ZCWPW2: variants seen among roughly 807,000 people sequenced by gnomAD.
ZCWPW2 encodes the protein zinc finger CW-type and PWWP domain containing 2.
ZCWPW2 carries 45 observed loss-of-function variants against 46.6 expected under a neutral mutation model. That is an observed-to-expected ratio of 0.96 (90% CI 0.76 to 1.24). ZCWPW2 has a LOEUF of 1.24. ZCWPW2 is among the 50% of genes most tolerant of loss of function. The pLI is 0.00. For missense variants in ZCWPW2, 429 were observed against 403.9 expected, an observed-to-expected ratio of 1.06 and a Z score of -0.53; for synonymous variants, 152 against 137.1, an observed-to-expected ratio of 1.11 and a Z score of -0.76.
intron 2 of ZCWPW2, chr3:28,398,121 G>T (rs1695778048): frequency 6.6e-6 from 1 of 152,224 alleles, no homozygotes; most frequent in Non-Finnish European, 1.5e-5. Flanking sequence ...AGTTCTGGAG[G>T]CTAAAAAGTC....
chr3:28,472,884 A>C (rs778425940), intron 4 of ZCWPW2, among the ~76,000 whole-genome samples: 5 of 152,082 alleles, frequency 3.3e-5, no homozygotes, highest in Non-Finnish European at 5.9e-5. Context: ...TAGGAAAAAA[A>C]AAACAAACTA....
chr3:28,439,833 G>A (rs1379490620), intron 4 of ZCWPW2, among the ~76,000 whole-genome samples: 1 of 152,194 alleles, frequency 6.6e-6, no homozygotes, highest in Non-Finnish European at 1.5e-5. Context: ...GAACGAACAT[G>A]TTTTTAACAA....
chr3:28,524,722 T>C lies in ZCWPW2; in HGVS notation c.*34T>C. 1 of 1,409,042 alleles carries C rather than the reference T, an allele frequency of 7.1e-7. No homozygotes were observed. The highest frequency in any genetic ancestry group is 1.5e-5 in the African/African-American group (1 of 66,908). The allele number at this position is 1,409,042 out of a possible 1,614,324, so 87.3% of individuals were successfully genotyped here. On this transcript the variant is annotated 3_prime_UTR_variant, in exon 10 of 10. Transcript: ENST00000383768. ...ACATTTTTCAAATTAATTATAAAAATATTGGCATCTTTATATTTATCCAAA... is the reference window on the plus strand; with the variant it reads ...ACATTTTTCAAATTAATTATAAAAACATTGGCATCTTTATATTTATCCAAA...
chr3:28,502,061 C>G (rs191381947), intron 6 of ZCWPW2, among the ~76,000 whole-genome samples: 116 of 152,238 alleles, frequency 7.6e-4, no homozygotes, highest in Non-Finnish European at 1.4e-3. Flanking sequence ...TTGCCCTATG[C>G]TCAAAATCTG....
chr3:28,478,931 G>A lies in ZCWPW2; in HGVS notation c.610G>A (p.Asp204Asn). 6.5e-7 allele frequency: 1 copy of A among 1,537,162 alleles called. No individual in the cohort carries two copies. The highest frequency in any genetic ancestry group is 1.2e-5 in the South Asian group (1 of 80,060). Residue 204 changes from aspartate to asparagine, a missense_variant and splice_region_variant, in exon 5 of 10, where the codon GAT becomes AAT. By Grantham distance (23) the Asp-to-Asn change is conservative. Coordinates refer to ENST00000383768, the MANE Select transcript of ZCWPW2 (RefSeq NM_001040432.4). Reference sequence around the variant, plus strand: ...AATGTGCTGCCTATCAAAACTACAAGGTGTATAAATATTTTTTCTTTATTA... The same window carrying A: ...AATGTGCTGCCTATCAAAACTACAAAGTGTATAAATATTTTTTCTTTATTA... Reference protein sequence around the residue: ...LEMCCLSKLQDKSETHDKVAA... With the variant: ...LEMCCLSKLQNKSETHDKVAA...
chr3:28,473,780 T>TA (rs1699125090), intron 4 of ZCWPW2, among the ~76,000 whole-genome samples: 1 of 152,154 alleles, frequency 6.6e-6, no homozygotes, highest in African/African-American at 2.4e-5. Context: ...CACAGAAAGA[T>TA]AAACTTTGCA....
chr3:28,382,557 T>C (rs1444415579), intron 1 of ZCWPW2, among the ~76,000 whole-genome samples: 1 of 152,194 alleles, frequency 6.6e-6, no homozygotes, highest in Admixed American at 6.5e-5. Context: ...CAGCTGATAA[T>C]AGTGGTTTTC....
At chr3:28,492,383 A>G (rs1024944491) in intron 6 of ZCWPW2, among the ~76,000 whole-genome samples, 9 of 152,126 alleles carry the variant, frequency 5.9e-5, no homozygotes, top group Admixed American at 2.0e-4. Flanking sequence ...GGACTGTCAG[A>G]AATTAGAACA....
chr3:28,367,239 G>C (rs1305888804), intron 1 of ZCWPW2, among the ~76,000 whole-genome samples: 7 of 151,886 alleles, frequency 4.6e-5, no homozygotes, highest in Admixed American at 4.6e-4. Context: ...GTGATGTTAG[G>C]GTGTTAATTT....
At position 28,407,752 on chromosome 3, in the gene ZCWPW2, T is replaced by A. The variant is rs143725684; in HGVS notation, c.-13-5304T>A. 2.9e-3 allele frequency among the ~76,000 whole-genome samples: 436 copies of A among 152,332 alleles called. 4 individuals are homozygous for A. Among genetic ancestry groups the A allele is most frequent in the African/African-American group, 9.8e-3 (406 of 41,584 alleles). On this transcript the variant is annotated intron_variant, in intron 2 of 9. Coordinates refer to ENST00000383768, the MANE Select transcript of ZCWPW2 (RefSeq NM_001040432.4). ...TTTCTAGTTCAATATAACTAAGTTA[T>A]GAAATAAAAAATTAAAAACAAAAGT...
chr3:28,407,971 G>A (rs915822279), intron 2 of ZCWPW2, among the ~76,000 whole-genome samples: 5 of 152,008 alleles, frequency 3.3e-5, no homozygotes, highest in African/African-American at 1.2e-4. Flanking sequence ...GCAAAGTGTT[G>A]GAGAAAATGT....
chr3:28,372,436 G>A (rs1705367031), intron 1 of ZCWPW2, among the ~76,000 whole-genome samples: 2 of 152,068 alleles, frequency 1.3e-5, no homozygotes. Flanking sequence ...TATTTCATGA[G>A]GGAATGAAAT....
At chr3:28,381,928 C>G (rs1695120404) in intron 1 of ZCWPW2, among the ~76,000 whole-genome samples, 1 of 152,028 alleles carries the variant, frequency 6.6e-6, no homozygotes, top group Non-Finnish European at 1.5e-5. Flanking sequence ...AATAGGAGGC[C>G]AAGGTGGGCG....
chr3:28,496,568 T>C (rs929159477), intron 6 of ZCWPW2, among the ~76,000 whole-genome samples: 3 of 152,020 alleles, frequency 2.0e-5, no homozygotes, highest in Non-Finnish European at 2.9e-5. Flanking sequence ...GGTAGCCTCA[T>C]TAAGATTTGA....
At chr3:28,458,847 C>T (rs1698521005) in intron 4 of ZCWPW2, among the ~76,000 whole-genome samples, 2 of 152,118 alleles carry the variant, frequency 1.3e-5, no homozygotes, top group South Asian at 2.1e-4. Context: ...ATGCTTAGCG[C>T]ATTGATTTCT....
At chr3:28,463,124 C>A (rs1389160653) in intron 4 of ZCWPW2, among the ~76,000 whole-genome samples, 1 of 152,146 alleles carries the variant, frequency 6.6e-6, no homozygotes, top group Admixed American at 6.5e-5. Flanking sequence ...CAAAAATAAT[C>A]TTATTTATAT....
In ZCWPW2 at chr3:28,395,709, T is replaced by C. The variant is rs1695668371; in HGVS notation, c.-14+5092T>C. ...TATTTAGAATTTGATAAAGTTGTAC[T>C]GATGGAAACAAAGTAGAAGGGTGGT... is the stretch of plus-strand genomic sequence containing the variant. On this transcript the variant is annotated intron_variant, in intron 2 of 9. Coordinates refer to ENST00000383768, the MANE Select transcript of ZCWPW2 (RefSeq NM_001040432.4). Among the ~76,000 whole-genome samples, 2 of 152,114 alleles carry C rather than the reference T, an allele frequency of 1.3e-5. 1 individual carries two copies. Among genetic ancestry groups the C allele is most frequent in the Admixed American group, 1.3e-4 (2 of 15,280 alleles).
intron 3 of ZCWPW2, among the ~76,000 whole-genome samples, chr3:28,432,084 T>G (rs2018136): frequency 0.53 from 80,642 of 151,982 alleles, 21,906 homozygotes; most frequent in African/African-American, 0.58. Context: ...CCTCCCACCA[T>G]GTCCCTCCTA....
chr3:28,422,028 A>G (rs1011810586), intron 3 of ZCWPW2, among the ~76,000 whole-genome samples: 1 of 151,862 alleles, frequency 6.6e-6, no homozygotes, highest in Non-Finnish European at 1.5e-5. Context: ...ATTTTTATTT[A>G]TTTTAAGTAA....
Sources: allele counts gnomAD v4.1 joint callset (sites outside exome capture counted in the v4.1 genomes callset), GRCh38; gene constraint gnomAD v4.1.1; transcripts MANE v1.5; gene names NCBI Gene and HGNC (gene_info 2026-07-23, HGNC 2026-07-21).